Variants in TPRG1 observed in about 807,000 individuals in gnomAD.
The protein encoded by TPRG1 is tumor protein p63-regulated gene 1 protein.
In TPRG1, 29 loss-of-function variants were observed where a neutral mutation model predicts 29.3. The ratio of observed to expected loss-of-function variants is 0.99; its 90% CI spans 0.74 to 1.35. TPRG1 has a LOEUF of 1.35. Ranked by LOEUF, TPRG1 falls within the 40% of genes most tolerant of loss-of-function variation. TPRG1 has a pLI of 0.00. For synonymous variants in TPRG1, 130 were observed against 116.8 expected, an observed-to-expected ratio of 1.11 and a Z score of -0.73; for missense variants, 327 against 335.0, an observed-to-expected ratio of 0.98 and a Z score of 0.19.
chr3:189,115,445 A>G (rs1721056446), intron 1 of TPRG1, among the ~76,000 whole-genome samples: 1 of 152,164 alleles, frequency 6.6e-6, no homozygotes, highest in Non-Finnish European at 1.5e-5. Flanking sequence ...TCTCTTGGGT[A>G]TTTGACCTTA....
chr3:189,152,818 A>G (rs916687257), intron 5 of TPRG1, among the ~76,000 whole-genome samples: 1 of 151,564 alleles, frequency 6.6e-6, no homozygotes, highest in South Asian at 2.1e-4. Context: ...TTATTATTAA[A>G]AAGTAGGATT....
At chr3:189,271,872 G>A (rs1266666510) in intron 4 of TPRG1, among the ~76,000 whole-genome samples, 11 of 152,140 alleles carry the variant, frequency 7.2e-5, no homozygotes, top group South Asian at 2.1e-4. Context: ...TAACTTCTCC[G>A]TAGCTCTAAG....
chr3:189,306,903 C>T (rs73184462), intron 4 of TPRG1, among the ~76,000 whole-genome samples: 9 of 152,196 alleles, frequency 5.9e-5, no homozygotes, highest in Non-Finnish European at 1.2e-4. Flanking sequence ...TGATTTATAC[C>T]GAGTATAATT....
intron 4 of TPRG1, among the ~76,000 whole-genome samples, chr3:189,045,764 T>C (rs553364461): frequency 6.6e-6 from 1 of 152,342 alleles, no homozygotes; most frequent in African/African-American, 2.4e-5. Context: ...CTTGGCTATA[T>C]TTAGATCACA....
chr3:189,315,324 G>A (rs1219064105), intron 5 of TPRG1, among the ~76,000 whole-genome samples: 1 of 151,742 alleles, frequency 6.6e-6, no homozygotes, highest in Non-Finnish European at 1.5e-5. Flanking sequence ...GTAAGGGGGG[G>A]TGAGAAAGAG....
chr3:189,001,504 CA>C (rs926493035), intron 2 of TPRG1, among the ~76,000 whole-genome samples: 17 of 152,252 alleles, frequency 1.1e-4, no homozygotes, highest in African/African-American at 3.8e-4. Flanking sequence ...GTTGGAAGGG[CA>C]AACAAGCTCC....
intron 4 of TPRG1, among the ~76,000 whole-genome samples, chr3:189,087,327 A>C (rs553782297): frequency 1.3e-5 from 2 of 152,276 alleles, no homozygotes; most frequent in African/African-American, 4.8e-5. Flanking sequence ...GTCTGTTCAT[A>C]TCCTTTGCCC....
At chr3:189,296,262 C>T (rs1003612277) in intron 4 of TPRG1, among the ~76,000 whole-genome samples, 1 of 152,190 alleles carries the variant, frequency 6.6e-6, no homozygotes, top group Non-Finnish European at 1.5e-5. Flanking sequence ...TGCCTAATTT[C>T]TTCAAAAGTT....
chr3:189,315,279 TGTGTGTG>T (rs1198252333), intron 5 of TPRG1, among the ~76,000 whole-genome samples: 9 of 53,854 alleles, frequency 1.7e-4, no homozygotes, highest in African/African-American at 2.4e-4. Context: ...CTGAAAGAAT[TGTGTGTG>T]TGTGTGTGTG....
chr3:189,287,676 C>T (rs533225334), intron 4 of TPRG1, among the ~76,000 whole-genome samples: 21 of 152,256 alleles, frequency 1.4e-4, no homozygotes, highest in South Asian at 4.2e-4. Context: ...GGATTACAGG[C>T]GTGAGCCACC....
rs908109886 is a variant in TPRG1, at chr3:189,110,401, A to G, written c.-744+10197A>G. Among the ~76,000 whole-genome samples the G allele has an allele frequency of 3.8e-4, 58 of 152,130 alleles. 2 individuals are homozygous for G. Among genetic ancestry groups the G allele is most frequent in the Non-Finnish European group, 1.5e-5 (1 of 67,992 alleles). ...TTTGTCCACTTTTAAATTGGTTTGT[A>G]AATGTTGGGTTTTTAGACTTCTTTT... On this transcript the variant is annotated intron_variant, in intron 1 of 6. Transcript: ENST00000412373.
chr3:189,110,480 C>T (rs1720375738), intron 1 of TPRG1, among the ~76,000 whole-genome samples: 1 of 152,012 alleles, frequency 6.6e-6, no homozygotes, highest in South Asian at 2.1e-4. Context: ...AATTTTCTCT[C>T]AGTTTGTGCT....
At chr3:189,105,808 T>G (rs1325837380) in intron 1 of TPRG1, among the ~76,000 whole-genome samples, 1 of 152,174 alleles carries the variant, frequency 6.6e-6, no homozygotes, top group Non-Finnish European at 1.5e-5. Context: ...AGAAGCTTAC[T>G]TTGGATATAG....
chr3:189,019,021 GTCTC>G (rs1444240468), intron 3 of TPRG1, among the ~76,000 whole-genome samples: 3 of 152,114 alleles, frequency 2.0e-5, no homozygotes, highest in African/African-American at 7.2e-5. Flanking sequence ...CTCATAATTT[GTCTC>G]TCTGTTTGTC....
chr3:189,018,102 T>C (rs1390421268), intron 3 of TPRG1, among the ~76,000 whole-genome samples: 1 of 152,238 alleles, frequency 6.6e-6, no homozygotes, highest in African/African-American at 2.4e-5. Context: ...GTAAATTTGT[T>C]GAAGTTCTTT....
chr3:189,238,515 A>C (rs945527006), intron 3 of TPRG1, among the ~76,000 whole-genome samples: 1 of 152,118 alleles, frequency 6.6e-6, no homozygotes, highest in African/African-American at 2.4e-5. Context: ...GAGTTCTGGG[A>C]TGATAAAATA....
intron 3 of TPRG1, among the ~76,000 whole-genome samples, chr3:189,010,589 AG>A (rs1342007012): frequency 6.6e-6 from 1 of 152,142 alleles, no homozygotes; most frequent in Admixed American, 6.5e-5. Context: ...TCTTTTGAAA[AG>A]TGTCTCTTCA....
intron 4 of TPRG1, among the ~76,000 whole-genome samples, chr3:189,257,467 CTGA>C (rs913495325): frequency 6.6e-6 from 1 of 152,072 alleles, no homozygotes; most frequent in African/African-American, 2.4e-5. Context: ...CTTGGTGAAT[CTGA>C]TGATTATGTG....
chr3:189,245,497 A>G (rs1000896034), intron 4 of TPRG1, among the ~76,000 whole-genome samples: 1 of 152,034 alleles, frequency 6.6e-6, no homozygotes. Flanking sequence ...CTAATTTCCA[A>G]ATATTTCAGG....
Sources: gnomAD v4.1 joint callset for allele counts (sites outside exome capture counted in the v4.1 genomes callset) on GRCh38, gnomAD v4.1.1 for gene constraint, MANE v1.5 for transcripts, NCBI Gene and HGNC (gene_info 2026-07-23, HGNC 2026-07-21) for gene names.